Variants in KLHL32 observed in about 807,000 individuals in gnomAD.
The protein encoded by KLHL32 is kelch like family member 32.
Under a neutral mutation model 64.8 loss-of-function variants are expected in KLHL32, and 35 were observed. That is an observed-to-expected ratio of 0.54 (90% CI 0.41 to 0.72). KLHL32 has a LOEUF of 0.72. KLHL32 is among the 30% of genes least tolerant of loss of function. The pLI is 0.00. For missense variants in KLHL32, 589 were observed against 768.5 expected, an observed-to-expected ratio of 0.77 and a Z score of 2.76; for synonymous variants, 259 against 281.0, an observed-to-expected ratio of 0.92 and a Z score of 0.78.
intron 1 of KLHL32, among the ~76,000 whole-genome samples, chr6:96,965,520 T>A (rs12525233): frequency 0.067 from 10,206 of 152,266 alleles, 418 homozygotes; most frequent in Middle Eastern, 0.15. Context: ...CTCCATTCAG[T>A]TGTTGGGAGT....
At chr6:96,978,049 A>C (rs979584636) in intron 3 of KLHL32, among the ~76,000 whole-genome samples, 3 of 152,126 alleles carry the variant, frequency 2.0e-5, no homozygotes, top group Non-Finnish European at 4.4e-5. Flanking sequence ...CAGATTATGG[A>C]ATAGGAATTT....
chr6:97,118,111 A>G (rs1797992143), intron 7 of KLHL32, among the ~76,000 whole-genome samples: 1 of 152,212 alleles, frequency 6.6e-6, no homozygotes, highest in African/African-American at 2.4e-5. Context: ...ACATTTGTTA[A>G]GGCTTAACTC....
intron 1 of KLHL32, among the ~76,000 whole-genome samples, chr6:96,955,184 G>T (rs751388441): frequency 1.3e-5 from 2 of 152,190 alleles, no homozygotes; most frequent in African/African-American, 2.4e-5. Flanking sequence ...ATAAGAGTTT[G>T]AACACTTGAA....
chr6:97,100,012 G>A (rs1188189503), intron 6 of KLHL32, among the ~76,000 whole-genome samples: 1 of 152,096 alleles, frequency 6.6e-6, no homozygotes, highest in Non-Finnish European at 1.5e-5. Flanking sequence ...AGGCGCGGTG[G>A]TGCACACCTG....
At chr6:96,958,818 G>A (rs569369894) in intron 1 of KLHL32, among the ~76,000 whole-genome samples, 1 of 150,834 alleles carries the variant, frequency 6.6e-6, no homozygotes, top group Admixed American at 6.6e-5. Flanking sequence ...CTGGGTAGAA[G>A]GAGTGCCAAG....
At chr6:97,003,308 G>A (rs1236723576) in intron 3 of KLHL32, among the ~76,000 whole-genome samples, 1 of 152,076 alleles carries the variant, frequency 6.6e-6, no homozygotes. Context: ...TTTAGAAAGT[G>A]TCTGTTCATG....
chr6:97,109,854 G>A (rs186132854), intron 6 of KLHL32, among the ~76,000 whole-genome samples: 14 of 152,322 alleles, frequency 9.2e-5, no homozygotes, highest in Non-Finnish European at 1.0e-4. Context: ...ATTGGTTGCA[G>A]AGCAAAGCAA....
chr6:96,928,344 A>C (rs1241069400), intron 1 of KLHL32, among the ~76,000 whole-genome samples: 1 of 152,170 alleles, frequency 6.6e-6, no homozygotes, highest in African/African-American at 2.4e-5. Context: ...GATGCTAGTG[A>C]TACCTAATAT....
intron 3 of KLHL32, among the ~76,000 whole-genome samples, chr6:97,021,091 C>T (rs1274289458): frequency 6.6e-6 from 1 of 150,968 alleles, no homozygotes; most frequent in Admixed American, 6.6e-5. Context: ...GGAGTTGGCT[C>T]ATACGATTAT....
chr6:96,983,475 C>G (rs1238158572), intron 3 of KLHL32, among the ~76,000 whole-genome samples: 4 of 152,292 alleles, frequency 2.6e-5, no homozygotes, highest in African/African-American at 9.6e-5. Context: ...CTCCATATAC[C>G]TCTGGTAGAA....
chr6:96,929,903 G>T lies in KLHL32; in HGVS notation c.-66+4877G>T, dbSNP rs75224922. ...AATAGCTTCTTCCCTTGCAAGGTTG[G>T]AGTCACCAACCTGATAAGATAATTT... is the stretch of plus-strand genomic sequence containing the variant. On this transcript the variant is annotated intron_variant, in intron 1 of 10. Transcript: ENST00000369261. 4.7e-3 allele frequency among the ~76,000 whole-genome samples: 714 copies of T among 152,280 alleles called. 5 individuals carry two copies. Among genetic ancestry groups the T allele is most frequent in the African/African-American group, 0.016 (661 of 41,558 alleles).
chr6:96,961,879 C>T (rs747022052), intron 1 of KLHL32, among the ~76,000 whole-genome samples: 4 of 152,178 alleles, frequency 2.6e-5, no homozygotes, highest in Non-Finnish European at 5.9e-5. Context: ...CCTGTGCAAC[C>T]AACTTGTGAA....
chr6:97,023,369 A>G (rs962974926), intron 3 of KLHL32, among the ~76,000 whole-genome samples: 22 of 152,250 alleles, frequency 1.4e-4, no homozygotes, highest in African/African-American at 5.3e-4. Flanking sequence ...GAATTTATAG[A>G]TACACTTGTA....
chr6:96,957,914 G>A (rs1320038788), intron 1 of KLHL32, among the ~76,000 whole-genome samples: 1 of 152,152 alleles, frequency 6.6e-6, no homozygotes, highest in Non-Finnish European at 1.5e-5. Context: ...TTCAATATAT[G>A]CAAATAATCT....
In KLHL32 at chr6:97,123,702, G is replaced by A. The variant is rs769159582; in HGVS notation, c.1355-3702G>A. Among the ~76,000 whole-genome samples the A allele has an allele frequency of 9.9e-5, 15 of 152,232 alleles. 1 individual carries two copies. The Middle Eastern group carries it at 0.017, about 173-fold the overall frequency. ...AGATGCAGATTATCCTCCCTGGGGT[G>A]GGGGAGGGAGATCAAAACTGCCAAT... On this transcript the variant is annotated intron_variant, in intron 7 of 10. Transcript: ENST00000369261.
Position 96,969,307 on chromosome 6 carries a change from C to T in KLHL32, c.23+2224C>T, listed in dbSNP as rs116743762. On this transcript the variant is annotated intron_variant, in intron 2 of 10. Transcript: ENST00000369261. ...GCCATTTTACTCTTACCACAGCCTCCTCTCCTTTTTCAAAATATGGTTGTA... is the reference window on the plus strand; with the variant it reads ...GCCATTTTACTCTTACCACAGCCTCTTCTCCTTTTTCAAAATATGGTTGTA... 9.0e-3 allele frequency among the ~76,000 whole-genome samples: 1,374 copies of T among 152,240 alleles called. 29 individuals carry two copies. Among genetic ancestry groups the T allele is most frequent in the African/African-American group, 0.032 (1,318 of 41,530 alleles).
At chr6:96,932,026 G>A (rs759117772) in intron 1 of KLHL32, among the ~76,000 whole-genome samples, 4 of 152,030 alleles carry the variant, frequency 2.6e-5, no homozygotes, top group African/African-American at 4.8e-5. Flanking sequence ...AGAGTCTCTC[G>A]TTCACTTGTT....
intron 7 of KLHL32, among the ~76,000 whole-genome samples, chr6:97,121,659 C>T (rs1382694016): frequency 2.0e-5 from 3 of 151,290 alleles, no homozygotes; most frequent in Non-Finnish European, 4.4e-5. Flanking sequence ...TTTTTAATGT[C>T]CAAATCGTTG....
chr6:97,019,958 T>C (rs912578215), intron 3 of KLHL32, among the ~76,000 whole-genome samples: 6 of 150,480 alleles, frequency 4.0e-5, no homozygotes, highest in Admixed American at 3.3e-4. Context: ...TTTTTTTTTT[T>C]TTTTTTTGAG....
Sources: allele counts gnomAD v4.1 joint callset (sites outside exome capture counted in the v4.1 genomes callset), GRCh38; gene constraint gnomAD v4.1.1; transcripts MANE v1.5; gene names NCBI Gene and HGNC (gene_info 2026-07-23, HGNC 2026-07-21).